Variants in SPP2 observed in about 807,000 individuals in gnomAD.
SPP2 encodes the protein secreted phosphoprotein 2.
In SPP2, 34 loss-of-function variants were observed where a neutral mutation model predicts 28.8. The observed-to-expected ratio is 1.18, with a 90% CI of 0.90 to 1.57. The LOEUF is 1.57. SPP2 is among the 40% of genes most tolerant of loss of function. SPP2 has a pLI of 0.00. For synonymous variants in SPP2, 96 were observed against 89.4 expected (o/e 1.07, Z -0.42); for missense variants, 269 against 263.9 (o/e 1.02, Z -0.13).
intron 6 of SPP2, among the ~76,000 whole-genome samples, chr2:234,069,653 G>A (rs1258214180): frequency 6.6e-6 from 1 of 152,158 alleles, no homozygotes; most frequent in Non-Finnish European, 1.5e-5. Context: ...GGCAGTTCCT[G>A]CCCTCCAGGG....
intron 3 of SPP2, among the ~76,000 whole-genome samples, 188 bp from the exon 4 acceptor site, chr2:234,060,181 T>C (rs970107234): frequency 3.3e-5 from 5 of 152,198 alleles, no homozygotes; most frequent in Non-Finnish European, 7.3e-5. Flanking sequence ...AGCAAAGAGA[T>C]GTTTAAATAT....
intron 6 of SPP2, among the ~76,000 whole-genome samples, chr2:234,067,553 G>A (rs1325785151): frequency 2.0e-5 from 3 of 152,000 alleles, no homozygotes; most frequent in South Asian, 2.1e-4. Context: ...CGAGGCGGGC[G>A]GATCACGAAG....
At chr2:234,061,081 G>T (rs1478065374) in intron 4 of SPP2, among the ~76,000 whole-genome samples, 3 of 152,140 alleles carry the variant, frequency 2.0e-5, no homozygotes, top group Non-Finnish European at 1.5e-5. Context: ...GGACATGAAG[G>T]ATCTGGCTTG....
chr2:234,053,748 C>A (rs1359071966), intron 2 of SPP2, among the ~76,000 whole-genome samples: 3 of 152,018 alleles, frequency 2.0e-5, no homozygotes, highest in African/African-American at 7.3e-5. Context: ...TTGCTCCAAC[C>A]TTGACATTAG....
chr2:234,070,437 T>A (rs1690740978), intron 7 of SPP2, among the ~76,000 whole-genome samples: 1 of 152,206 alleles, frequency 6.6e-6, no homozygotes, highest in Non-Finnish European at 1.5e-5. Context: ...AGCTTCCTTT[T>A]CTGGATGTGT....
At chr2:234,067,489 A>G (rs1010493025) in intron 6 of SPP2, among the ~76,000 whole-genome samples, 2 of 152,188 alleles carry the variant, frequency 1.3e-5, no homozygotes, top group African/African-American at 2.4e-5. Flanking sequence ...CTTAAAAGTT[A>G]CCAAGAGGCC....
chr2:234,073,748 G>A (rs1344061591), intron 7 of SPP2, among the ~76,000 whole-genome samples: 1 of 152,180 alleles, frequency 6.6e-6, no homozygotes, highest in Non-Finnish European at 1.5e-5. Flanking sequence ...AGCTGCATGA[G>A]TGATGCATTT....
At chr2:234,070,909 C>A (rs1478367481) in intron 7 of SPP2, among the ~76,000 whole-genome samples, 2 of 152,088 alleles carry the variant, frequency 1.3e-5, no homozygotes, top group African/African-American at 2.4e-5. Flanking sequence ...TGTCTCTTAC[C>A]ACACTCTATG....
In SPP2 at chr2:234,059,969, G is replaced by C. The variant is rs1050509931; in HGVS notation, c.334-400G>C. 1.3e-4 allele frequency among the ~76,000 whole-genome samples: 20 copies of C among 152,298 alleles called. No homozygotes were observed. In the South Asian group the frequency reaches 4.1e-3, roughly 32 times the overall value. On this transcript the variant is annotated intron_variant, in intron 3 of 7. Transcript: ENST00000168148. ...TTTGTTTCATGAAACTACTCACTGT[G>C]ACTCTGTTTTACAAAGGACTCATAC...
At chr2:234,066,719 T>A in intron 5 of SPP2, 132 bp downstream of exon 5, 1 of 710,392 alleles carries the variant, frequency 1.4e-6, no homozygotes, top group South Asian at 1.9e-5. Context: ...CATAGAAAAT[T>A]AACATTTTGT....
chr2:234,055,513 G>A (rs1434615870), intron 2 of SPP2, among the ~76,000 whole-genome samples: 3 of 152,132 alleles, frequency 2.0e-5, no homozygotes, highest in Non-Finnish European at 4.4e-5. Context: ...CAGTCAAGTT[G>A]ACACTATAAA....
chr2:234,061,227 T>G (rs2125458425), intron 4 of SPP2, among the ~76,000 whole-genome samples: 1 of 152,326 alleles, frequency 6.6e-6, no homozygotes, highest in East Asian at 1.9e-4. Context: ...TGTCCAATTA[T>G]TGGCTGCTTT....
At chr2:234,063,267 G>GA (rs1040810818) in intron 4 of SPP2, among the ~76,000 whole-genome samples, 1 of 151,484 alleles carries the variant, frequency 6.6e-6, no homozygotes, top group Non-Finnish European at 1.5e-5. Context: ...AAATAAAACT[G>GA]AAAAAAACTC....
intron 2 of SPP2, among the ~76,000 whole-genome samples, chr2:234,054,705 A>G (rs1211767286): frequency 6.6e-6 from 1 of 152,172 alleles, no homozygotes; most frequent in Non-Finnish European, 1.5e-5. Context: ...CAGGGATTAG[A>G]GTTTCACTAT....
At chr2:234,076,197 G>GC (rs1010703219) in intron 7 of SPP2, among the ~76,000 whole-genome samples, 2 of 152,134 alleles carry the variant, frequency 1.3e-5, no homozygotes, top group African/African-American at 4.8e-5. Context: ...GACAGTGTGC[G>GC]CCCACTGTCC....
At chr2:234,059,814 A>G (rs1487205385) in intron 3 of SPP2, among the ~76,000 whole-genome samples, 2 of 152,244 alleles carry the variant, frequency 1.3e-5, no homozygotes, top group East Asian at 3.9e-4. Context: ...CACTTAGTCA[A>G]CACCCATGGG....
chr2:234,072,120 T>G (rs1015465161), intron 7 of SPP2, among the ~76,000 whole-genome samples: 1 of 152,212 alleles, frequency 6.6e-6, no homozygotes, highest in Non-Finnish European at 1.5e-5. Context: ...TCACTTTGGG[T>G]TCTTGAAATC....
chr2:234,056,264 G>T (rs1170752506), intron 2 of SPP2: 1 of 152,138 alleles, frequency 6.6e-6, no homozygotes, highest in African/African-American at 2.4e-5. Context: ...CGAAGGATAT[G>T]AACAGACACT....
chr2:234,056,258 G>A (rs922651663), intron 2 of SPP2: 1 of 152,114 alleles, frequency 6.6e-6, no homozygotes, highest in Non-Finnish European at 1.5e-5. Context: ...AGTGGGCGAA[G>A]GATATGAACA....
Sources: gnomAD v4.1 joint callset for allele counts (sites outside exome capture counted in the v4.1 genomes callset) on GRCh38, gnomAD v4.1.1 for gene constraint, MANE v1.5 for transcripts, NCBI Gene and HGNC (gene_info 2026-07-23, HGNC 2026-07-21) for gene names.